KNDC1: variants seen among roughly 807,000 people sequenced by gnomAD.
KNDC1 encodes kinase non-catalytic C-lobe domain-containing protein 1.
Under a neutral mutation model 172.8 loss-of-function variants are expected in KNDC1, and 106 were observed. The observed-to-expected ratio is 0.61, with a 90% CI of 0.52 to 0.72. The LOEUF is 0.72. Among genes scored for constraint, KNDC1 ranks in the 30% least tolerant of loss-of-function variants. The pLI is 0.00. For missense variants in KNDC1, 2,325 were observed against 2,394.5 expected (o/e 0.97, Z 0.61); for synonymous variants, 1,083 against 1,062.2 (o/e 1.02, Z -0.38).
intron 29 of KNDC1, among the ~76,000 whole-genome samples, chr10:133,221,127 T>C (rs1845578809): frequency 6.6e-6 from 1 of 152,002 alleles, no homozygotes; most frequent in African/African-American, 2.4e-5. Context: ...ACCCTGAGGG[T>C]CTCTGCAGCA....
At chr10:133,204,999 ACCCCAGAACCACCACCCTCCTCAC>A (rs1845146697) in intron 17 of KNDC1, among the ~76,000 whole-genome samples, 1 of 41,624 alleles carries the variant, frequency 2.4e-5, no homozygotes, top group South Asian at 1.0e-3. Context: ...CAGACCCCTC[ACCCCAGAACCACCACCCTCCTCAC>A]CCCCAGAATC....
chr10:133,212,923 G>A lies in KNDC1; in HGVS notation c.4443+1G>A. 1 of 1,609,328 alleles carries A rather than the reference G, an allele frequency of 6.2e-7. No individual in the cohort carries two copies. The highest frequency in any genetic ancestry group is 8.5e-7 in the Non-Finnish European group (1 of 1,176,714). ...CAGCCAGCTCACGCTGCTACAGCAG[G>A]TGAGGAGGGCGAGGATCTGCGCCCA... On this transcript the variant is annotated splice_donor_variant, in intron 24 of 29. Transcript: ENST00000304613. LOFTEE classifies it high-confidence loss of function.
chr10:133,186,295 C>G lies in KNDC1; in HGVS notation c.947C>G (p.Pro316Arg). ...QTFPRLLSDS[P>R]EATLCLPLTR... is the part of the protein sequence containing the mutation. ...TTCCCTAGGCTGCTGTCCGACAGCC[C>G]CGAGGCCACCCTCTGCCTGCCGCTG... The change falls in exon 6 of 30, where the codon CCC becomes CGC. Residue 316 changes from proline to arginine, a missense_variant. Transcript: ENST00000304613. The G allele has an allele frequency of 6.2e-7, 1 of 1,611,582 alleles. No individual in the cohort carries two copies. The highest frequency in any genetic ancestry group is 1.1e-5 in the South Asian group (1 of 90,888).
intron 16 of KNDC1, 75 bp from the exon 17 acceptor site, chr10:133,201,426 C>T (rs1269200806): frequency 1.8e-5 from 26 of 1,455,950 alleles, no homozygotes; most frequent in Non-Finnish European, 2.3e-5. Flanking sequence ...GCACCACCGG[C>T]CTCCCATTAA....
chr10:133,210,582 A>T, intron 20 of KNDC1, 29 bp from the exon 21 acceptor site: 1 of 1,229,204 alleles, frequency 8.1e-7, no homozygotes, highest in Non-Finnish European at 1.2e-6. Context: ...CCACCCCACC[A>T]CCTCACCGCC....
At chr10:133,201,985 C>G in intron 17 of KNDC1, 87 bp downstream of exon 17, 1 of 1,411,464 alleles carries the variant, frequency 7.1e-7, no homozygotes, top group Non-Finnish European at 9.7e-7. Context: ...ACAGATGGCA[C>G]CGTGTGCCCA....
chr10:133,186,367 A>T lies in KNDC1; in HGVS notation c.1019A>T (p.Asp340Val), dbSNP rs1386370202. 1 of 1,612,612 alleles carries T rather than the reference A, an allele frequency of 6.2e-7. No homozygotes were observed. The highest frequency in any genetic ancestry group is 8.5e-7 in the Non-Finnish European group (1 of 1,179,940). Residue 340 changes from aspartate (D) to valine (V), a missense_variant, in exon 6 of 30, where the codon GAC becomes GTC. Transcript: ENST00000304613. ...QLPISELFSP[D>V]PRKAFLDRKN... is the part of the protein sequence containing the mutation. ...CCCATATCGGAATTATTCTCTCCGG[A>T]CCCCAGGAAGGCCTTTCTGGACAGG...
At chr10:133,194,286 C>T (rs1342413187) in intron 9 of KNDC1, among the ~76,000 whole-genome samples, 1 of 152,170 alleles carries the variant, frequency 6.6e-6, no homozygotes, top group Non-Finnish European at 1.5e-5. Flanking sequence ...AACGAAACAA[C>T]ACATTCTAAA....
At position 133,198,937 on chromosome 10, in the gene KNDC1, G is replaced by A. The variant is rs1450786840; in HGVS notation, c.2429G>A (p.Gly810Asp). 45 of 1,557,550 alleles carry A rather than the reference G, an allele frequency of 2.9e-5. No homozygotes were observed. Among genetic ancestry groups the A allele is most frequent in the African/African-American group, 4.1e-5 (3 of 73,580 alleles). Residue 810 changes from glycine to aspartate, a missense_variant, in exon 14 of 30, where the codon GGC (glycine) becomes GAC (aspartate). Physicochemically the swap from Gly to Asp is moderately conservative, Grantham distance 94 (BLOSUM62 -1). Coordinates refer to ENST00000304613, the MANE Select transcript of KNDC1 (RefSeq NM_152643.8). ...EPIPPGVASG[G>D]LRPDALGPTT... is the part of the protein sequence containing the mutation. The stretch of plus-strand genomic sequence containing the variant: ...ATCCCACCTGGAGTTGCTTCCGGGG[G>A]CCTCAGGCCCGACGCCCTGGGGCCC...
chr10:133,221,015 A>G (rs1845576400), intron 29 of KNDC1, among the ~76,000 whole-genome samples: 1 of 152,098 alleles, frequency 6.6e-6, no homozygotes, highest in Non-Finnish European at 1.5e-5. Context: ...CCTTCTCTGC[A>G]AATCTGGAGC....
At chr10:133,184,268 C>G (rs991887900) in intron 5 of KNDC1, among the ~76,000 whole-genome samples, 31 of 149,174 alleles carry the variant, frequency 2.1e-4, no homozygotes, top group Non-Finnish European at 3.7e-4. Context: ...GTTACACACA[C>G]CCATGCACAC....
At chr10:133,189,096 C>G (rs1346483435) in intron 7 of KNDC1, among the ~76,000 whole-genome samples, 7 of 152,216 alleles carry the variant, frequency 4.6e-5, no homozygotes. Flanking sequence ...TTGCACGGGT[C>G]TGCCCCGTCA....
In KNDC1 at chr10:133,183,506, C is replaced by G; in HGVS notation, c.507+16C>G. The G allele has an allele frequency of 6.3e-7, 1 of 1,590,200 alleles. No homozygotes were observed. The highest frequency in any genetic ancestry group is 1.3e-5 in the African/African-American group (1 of 74,836). Reference sequence around the variant, plus strand: ...GGACCTTGAGGTAAGCGAGGCTGCCCTGGGCCACCCCAGGCTGTGACCCTG... The same window carrying G: ...GGACCTTGAGGTAAGCGAGGCTGCCGTGGGCCACCCCAGGCTGTGACCCTG... On this transcript the variant is annotated intron_variant, in intron 4 of 29. Coordinates refer to ENST00000304613, the MANE Select transcript of KNDC1 (RefSeq NM_152643.8).
At position 133,220,293 on chromosome 10, in the gene KNDC1, C is replaced by G. The variant is rs554957616; in HGVS notation, c.5018+181C>G. Among the ~76,000 whole-genome samples the G allele has an allele frequency of 3.1e-3, 146 of 46,870 alleles. 1 individual carries two copies. Among genetic ancestry groups the G allele is most frequent in the Non-Finnish European group, 4.0e-3 (103 of 25,564 alleles). The allele number at this position is 46,870 out of a possible 152,430, so 30.7% of individuals were successfully genotyped here. A position where few individuals can be genotyped will look rare whatever the true frequency, so the allele number is the denominator to read the frequency against. On this transcript the variant is annotated intron_variant, in intron 29 of 29. Transcript: ENST00000304613. The stretch of plus-strand genomic sequence containing the variant: ...CCCAGGAGAGGAGGGGCTCAGGCGG[C>G]CGCGCGCCCAGGTGAGGAGGGGCTC...
intron 1 of KNDC1, among the ~76,000 whole-genome samples, chr10:133,165,281 G>A (rs1192228241): frequency 6.6e-6 from 1 of 152,236 alleles, no homozygotes; most frequent in Non-Finnish European, 1.5e-5. Flanking sequence ...GCTTCCCTGA[G>A]GGGAGGAGGG....
chr10:133,205,008 C>CCACCACCCTCCTTACCCCCAGAAT (rs1845147460), intron 17 of KNDC1, among the ~76,000 whole-genome samples: 1 of 144,596 alleles, frequency 6.9e-6, no homozygotes, highest in South Asian at 2.3e-4. Context: ...CACCCCAGAA[C>CCACCACCCTCCTTACCCCCAGAAT]CACCACCCTC....
intron 29 of KNDC1, 93 bp downstream of exon 29, chr10:133,220,205 C>T (rs1845557830): frequency 6.9e-6 from 6 of 873,418 alleles, no homozygotes; most frequent in Non-Finnish European, 9.7e-6. Flanking sequence ...GGCCGCGCGC[C>T]CAGGAGAGGA....
At chr10:133,200,279 C>T (rs1171994029) in intron 15 of KNDC1, 96 bp from the exon 16 acceptor site, 11 of 899,628 alleles carry the variant, frequency 1.2e-5, no homozygotes, top group African/African-American at 5.4e-5. Flanking sequence ...GCGAGAGCTC[C>T]GCATAGACGT....
Position 133,163,929 on chromosome 10 carries a change from C to CACAATTGCAAAGTGGGGACCAGT in KNDC1, c.102+3360_102+3361insACAATTGCAAAGTGGGGACCAGT, listed in dbSNP as rs1564869717. ...GGGATGGGGGTGGAGTTCGTGGCCA[C>CACAATTGCAAAGTGGGGACCAGT]CTGCCTTCCCAAATCCCTCCTCCCA... On this transcript the variant is annotated intron_variant, in intron 1 of 29. Transcript: ENST00000304613. The surrounding 1 kb of genome is among the most constrained non-coding windows in gnomAD (Gnocchi z 4.4). Among the ~76,000 whole-genome samples, 670 of 132,670 alleles carry CACAATTGCAAAGTGGGGACCAGT rather than the reference C, an allele frequency of 5.1e-3. 51 individuals are homozygous for CACAATTGCAAAGTGGGGACCAGT. Among genetic ancestry groups the CACAATTGCAAAGTGGGGACCAGT allele is most frequent in the Admixed American group, 5.7e-3 (74 of 13,020 alleles). 87.0% of individuals were successfully genotyped at this position (132,670 alleles called of 152,430 possible).
Sources: gnomAD v4.1 joint callset for allele counts (sites outside exome capture counted in the v4.1 genomes callset) on GRCh38, gnomAD v4.1.1 for gene constraint, Gnocchi (gnomAD v3.1) non-coding constraint, MANE v1.5 for transcripts, NCBI Gene and HGNC (gene_info 2026-07-23, HGNC 2026-07-21) for gene names.